LIMD1: variants seen among roughly 807,000 people sequenced by gnomAD.
LIMD1 encodes the protein LIM domain containing 1.
A neutral mutation model predicts 58.4 loss-of-function variants in LIMD1; 23 were observed. That is an observed-to-expected ratio of 0.39 (90% CI 0.28 to 0.56). LIMD1 has a LOEUF of 0.56. Among genes scored for constraint, LIMD1 ranks in the 20% least tolerant of loss-of-function variants. The probability of loss-of-function intolerance (pLI) is 0.57; values close to 1 mark genes in which losing one functional copy is unlikely to be tolerated. For missense variants in LIMD1, 838 were observed against 855.5 expected (o/e 0.98, Z 0.25); for synonymous variants, 334 against 345.5 (o/e 0.97, Z 0.37).
Position 45,595,996 on chromosome 3 carries a change from G to A in LIMD1, c.1117G>A (p.Gly373Ser), listed in dbSNP as rs751910248. ...GAVPGLGPKPGCTDLGTGPKL... is the reference protein window; with the variant it reads ...GAVPGLGPKPSCTDLGTGPKL... ...GGTCCCTGGGCTGGGGCCGAAGCCT[G>A]GCTGCACAGACCTTGGCACTGGTCC... Residue 373 changes from glycine to serine, a missense_variant, in exon 1 of 8, where the codon GGC (glycine) becomes AGC (serine). Gly to Ser is a moderately conservative substitution (Grantham distance 56). This residue lies in a region of LIMD1 where 659 missense variants were observed against 639.8 expected (regional missense o/e 1.03). Coordinates refer to ENST00000273317, the MANE Select transcript of LIMD1 (RefSeq NM_014240.3). 1.9e-6 allele frequency: 3 copies of A among 1,614,198 alleles called. No individual in the cohort carries two copies. The highest frequency in any genetic ancestry group is 2.5e-6 in the Non-Finnish European group (3 of 1,180,034).
chr3:45,607,352 G>A (rs1462339603), intron 1 of LIMD1, among the ~76,000 whole-genome samples: 1 of 152,014 alleles, frequency 6.6e-6, no homozygotes, highest in Non-Finnish European at 1.5e-5. Flanking sequence ...GGAGTTCTTG[G>A]GATCCACAGC....
rs1209268512 is a variant in LIMD1, at chr3:45,669,772, AATTCCATTGTATGG to A, written c.1641+1419_1641+1432del. Reference sequence around the variant, plus strand: ...TTTATTGATTTGTATTGCTAAGTGGAATTCCATTGTATGGATATAGCACAATTTATTTCTCCATC... The same window carrying A: ...TTTATTGATTTGTATTGCTAAGTGGAATATAGCACAATTTATTTCTCCATC... On this transcript the variant is annotated intron_variant, in intron 4 of 7. Coordinates refer to ENST00000273317, the MANE Select transcript of LIMD1 (RefSeq NM_014240.3). Among the ~76,000 whole-genome samples, 3 of 152,334 alleles carry A rather than the reference AATTCCATTGTATGG, an allele frequency of 2.0e-5. No individual in the cohort carries two copies. The East Asian group carries it at 5.8e-4, about 29-fold the overall frequency.
At chr3:45,663,053 GA>G (rs1353494170) in intron 2 of LIMD1, among the ~76,000 whole-genome samples, 1 of 151,686 alleles carries the variant, frequency 6.6e-6, no homozygotes, top group Non-Finnish European at 1.5e-5. Flanking sequence ...ACACATATAC[GA>G]TCATTGGTAT....
At chr3:45,676,246 GA>G (rs964955239) in intron 7 of LIMD1, among the ~76,000 whole-genome samples, 3 of 141,562 alleles carry the variant, frequency 2.1e-5, no homozygotes, top group South Asian at 2.2e-4. Flanking sequence ...TCTCAAAAAA[GA>G]AAAAAAAATC....
At chr3:45,642,874 TTGGGC>T (rs1023325403) in intron 2 of LIMD1, among the ~76,000 whole-genome samples, 44 of 152,224 alleles carry the variant, frequency 2.9e-4, no homozygotes, top group African/African-American at 1.0e-3. Flanking sequence ...GCTGTGCTCC[TTGGGC>T]TGGGAATGTT....
intron 1 of LIMD1, among the ~76,000 whole-genome samples, chr3:45,630,969 C>T (rs1035923561): frequency 2.0e-5 from 3 of 152,054 alleles, no homozygotes; most frequent in Admixed American, 6.5e-5. Context: ...TTTGGGAGGC[C>T]GAGGCGGGCG....
intron 2 of LIMD1, among the ~76,000 whole-genome samples, chr3:45,640,451 C>T (rs1042212814): frequency 4.6e-5 from 7 of 152,026 alleles, no homozygotes; most frequent in African/African-American, 9.7e-5. Flanking sequence ...GTTTTTAAGA[C>T]GGATCTCACT....
chr3:45,661,526 G>A (rs974302713), intron 2 of LIMD1, among the ~76,000 whole-genome samples: 1 of 152,162 alleles, frequency 6.6e-6, no homozygotes, highest in South Asian at 2.1e-4. Context: ...CTGAGATGAC[G>A]ATTTCTGGAA....
In LIMD1 at chr3:45,595,633, G is replaced by C; in HGVS notation, c.754G>C (p.Gly252Arg). Residue 252 changes from glycine to arginine, a missense_variant, in exon 1 of 8, where the codon GGT becomes CGT. By Grantham distance (125) the Gly-to-Arg change is moderately radical. This residue lies in a region of LIMD1 where 659 missense variants were observed against 639.8 expected (regional missense o/e 1.03). Transcript: ENST00000273317. ...CCTCGGTGGTCAGAATAGTGGCATT[G>C]GTGGCCGCAGCAGCGAGAAGCCAAC... ...GSLGGQNSGI[G>R]GRSSEKPTGL... 1 of 1,613,526 alleles carries C rather than the reference G, an allele frequency of 6.2e-7. No homozygotes were observed. Among genetic ancestry groups the C allele is most frequent in the Non-Finnish European group, 8.5e-7 (1 of 1,179,866 alleles).
Position 45,621,355 on chromosome 3 carries a change from A to T in LIMD1, c.1409-14795A>T, listed in dbSNP as rs1343190855. On this transcript the variant is annotated intron_variant, in intron 1 of 7. Coordinates refer to ENST00000273317, the MANE Select transcript of LIMD1 (RefSeq NM_014240.3). ...AACAATCCTCCCACTTCAGCCTCCC[A>T]AGTGGCTGGGTCTACAGGCATGTAC... Among the ~76,000 whole-genome samples the T allele has an allele frequency of 2.0e-5, 3 of 152,148 alleles. No homozygotes were observed. The South Asian group carries it at 6.2e-4, about 32-fold the overall frequency.
chr3:45,644,972 C>T (rs148520482), intron 2 of LIMD1, among the ~76,000 whole-genome samples: 113 of 152,236 alleles, frequency 7.4e-4, no homozygotes, highest in African/African-American at 2.6e-3. Context: ...TCTGAGCTGT[C>T]GAATTGTCCG....
intron 2 of LIMD1, among the ~76,000 whole-genome samples, chr3:45,656,706 C>T (rs1697330043): frequency 6.6e-6 from 1 of 151,956 alleles, no homozygotes; most frequent in Non-Finnish European, 1.5e-5. Flanking sequence ...TTAGTAGGGA[C>T]GGGGTTTCAC....
intron 2 of LIMD1, among the ~76,000 whole-genome samples, chr3:45,654,812 CAAAAAAAAAA>C (rs1227980901): frequency 1.8e-5 from 1 of 56,516 alleles, no homozygotes; most frequent in Non-Finnish European, 3.9e-5. Flanking sequence ...GACCCTGTCT[CAAAAAAAAAA>C]AAAAAAAAAA....
At chr3:45,624,688 A>T (rs1271098295) in intron 1 of LIMD1, among the ~76,000 whole-genome samples, 4 of 152,106 alleles carry the variant, frequency 2.6e-5, no homozygotes, top group Non-Finnish European at 5.9e-5. Flanking sequence ...GCGCCACTGC[A>T]CTCCAGCCTG....
chr3:45,668,442 G>A, intron 4 of LIMD1, 86 bp downstream of exon 4: 7 of 1,072,610 alleles, frequency 6.5e-6, no homozygotes, highest in South Asian at 2.7e-5. Context: ...ATTGAGGACA[G>A]TGTTTCTTAT....
intron 1 of LIMD1, among the ~76,000 whole-genome samples, chr3:45,598,183 G>A (rs773224266): frequency 1.1e-4 from 16 of 152,060 alleles, no homozygotes; most frequent in Middle Eastern, 3.4e-3. Context: ...TGTTCTTCTG[G>A]GCTCAAGTGA....
chr3:45,620,023 TA>T (rs1701615685), intron 1 of LIMD1, among the ~76,000 whole-genome samples: 1 of 152,054 alleles, frequency 6.6e-6, no homozygotes, highest in Non-Finnish European at 1.5e-5. Flanking sequence ...TGGGGTATTC[TA>T]AATTGCTGGT....
At chr3:45,655,746 A>G (rs1007606057) in intron 2 of LIMD1, among the ~76,000 whole-genome samples, 1 of 152,128 alleles carries the variant, frequency 6.6e-6, no homozygotes, top group African/African-American at 2.4e-5. Flanking sequence ...CGGCTATTCC[A>G]TTTTGTCCTC....
At chr3:45,621,752 G>A (rs1484190093) in intron 1 of LIMD1, among the ~76,000 whole-genome samples, 4 of 151,940 alleles carry the variant, frequency 2.6e-5, no homozygotes, top group South Asian at 2.1e-4. Flanking sequence ...TCACATTACC[G>A]TAAATCCATC....
Sources: gnomAD v4.1 joint callset for allele counts (sites outside exome capture counted in the v4.1 genomes callset) on GRCh38, gnomAD v4.1.1 for gene constraint, gnomAD v4.1.1 regional missense constraint, MANE v1.5 for transcripts, NCBI Gene and HGNC (gene_info 2026-07-23, HGNC 2026-07-21) for gene names.